SLC35F4: variants seen among roughly 807,000 people sequenced by gnomAD.
SLC35F4 encodes chromosome 14 open reading frame 36.
In SLC35F4, 24 loss-of-function variants were observed where a neutral mutation model predicts 44.2. The ratio of observed to expected loss-of-function variants is 0.54; its 90% CI spans 0.39 to 0.76. The LOEUF (loss-of-function observed/expected upper bound fraction) is 0.76. SLC35F4 is among the 30% of genes least tolerant of loss of function. The pLI, the probability that SLC35F4 is intolerant of heterozygous loss-of-function variation, is 0.00. For missense variants in SLC35F4, 562 were observed against 586.1 expected, an observed-to-expected ratio of 0.96 and a Z score of 0.42; for synonymous variants, 238 against 223.6, an observed-to-expected ratio of 1.06 and a Z score of -0.57.
At position 57,951,995 on chromosome 14, in the gene SLC35F4, C is replaced by T. The variant is rs892264319; in HGVS notation, n.282+29918G>A. ...ATCCTCGTGCCTCCTGATTGGGAAA[C>T]ACCTCCCAGCAGGGGTCGACAGATA... is the stretch of plus-strand genomic sequence containing the variant. On this transcript the variant is annotated intron_variant and non_coding_transcript_variant, in intron 1 of 1. Coordinates refer to the SLC35F4 transcript ENST00000556568. 4.6e-5 allele frequency among the ~76,000 whole-genome samples: 7 copies of T among 152,228 alleles called. No individual in the cohort carries two copies. The East Asian group carries it at 9.6e-4, about 21-fold the overall frequency.
chr14:57,898,345 A>C (rs1259819011), intron 1 of SLC35F4, among the ~76,000 whole-genome samples: 3 of 152,260 alleles, frequency 2.0e-5, no homozygotes, highest in African/African-American at 7.2e-5. Flanking sequence ...AAACACATGC[A>C]TTCATGGCAT....
At chr14:57,944,553 T>C (rs1251858415) in intron 1 of SLC35F4, among the ~76,000 whole-genome samples, 1 of 151,866 alleles carries the variant, frequency 6.6e-6, no homozygotes, top group Non-Finnish European at 1.5e-5. Context: ...AAATTGTGCT[T>C]TGTGAGACCT....
At chr14:57,711,140 C>A (rs1253386604) in intron 1 of SLC35F4, among the ~76,000 whole-genome samples, 1 of 152,040 alleles carries the variant, frequency 6.6e-6, no homozygotes, top group Admixed American at 6.6e-5. Context: ...GGGGTGGTTT[C>A]CCCTGCTGTT....
chr14:57,564,032 T>C lies in SLC35F4; in HGVS notation c.*103A>G, dbSNP rs2068083054. On this transcript the variant is annotated 3_prime_UTR_variant, in exon 8 of 8. Transcript: ENST00000556826. ...TTGGCATTATTTCACATATGATTTATCCAAATTCAGAGTTAATACTGTCGT... is the reference window on the plus strand; with the variant it reads ...TTGGCATTATTTCACATATGATTTACCCAAATTCAGAGTTAATACTGTCGT... 2 of 1,292,326 alleles carry C rather than the reference T, an allele frequency of 1.5e-6. No individual in the cohort carries two copies. Among genetic ancestry groups the C allele is most frequent in the Non-Finnish European group, 2.1e-6 (2 of 944,382 alleles). 80.1% of individuals were successfully genotyped at this position (1,292,326 alleles called of 1,614,324 possible). A position where few individuals can be genotyped will look rare whatever the true frequency, so the allele number is the denominator to read the frequency against.
intron 1 of SLC35F4, among the ~76,000 whole-genome samples, chr14:57,641,360 A>T (rs747132577): frequency 1.3e-5 from 2 of 148,368 alleles, no homozygotes; most frequent in Non-Finnish European, 3.0e-5. Context: ...TAAGATTGCC[A>T]GGTGAACCTA....
At chr14:57,869,470 C>T (rs1888250890), upstream of SLC35F4, among the ~76,000 whole-genome samples, 1 of 152,068 alleles carries the variant, frequency 6.6e-6, no homozygotes, top group South Asian at 2.1e-4. Context: ...GGGCTTTAGT[C>T]GTCTTTTTAT....
chr14:57,594,108 T>C lies in SLC35F4; in HGVS notation c.120A>G (p.Ser40=). The change falls in exon 2 of 8, where the codon TCA becomes TCG. Residue 40 remains serine (S), a synonymous_variant. Coordinates refer to ENST00000556826, the MANE Select transcript of SLC35F4 (RefSeq NM_001306087.2). The part of the protein sequence containing the change: ...YSSQKSTSRS[S]VTRCKPGANC... ...TGGCTCCTGGTTTACATCTAGTGAC[T>C]GATGATCTGGAGGTACCTGGAAAGA... 1 of 1,613,818 alleles carries C rather than the reference T, an allele frequency of 6.2e-7. No individual in the cohort carries two copies. Among genetic ancestry groups the C allele is most frequent in the Admixed American group, 1.7e-5 (1 of 59,968 alleles).
chr14:57,824,404 A>G (rs928095565), intron 1 of SLC35F4, among the ~76,000 whole-genome samples: 16 of 152,172 alleles, frequency 1.1e-4, no homozygotes, highest in Non-Finnish European at 4.4e-5. Context: ...GTAGGTAGGT[A>G]GAAGATAGAT....
At chr14:57,952,425 A>G (rs1276061603) in intron 1 of SLC35F4, among the ~76,000 whole-genome samples, 1 of 152,128 alleles carries the variant, frequency 6.6e-6, no homozygotes, top group Non-Finnish European at 1.5e-5. Context: ...ACAAAACTGG[A>G]TGGAGAATGA....
intron 1 of SLC35F4, among the ~76,000 whole-genome samples, chr14:57,743,742 T>C (rs2076682985): frequency 6.6e-6 from 1 of 152,186 alleles, no homozygotes; most frequent in Non-Finnish European, 1.5e-5. Context: ...AGCATCATCC[T>C]GAAACCAAAG....
chr14:57,915,529 A>G (rs1343628523), intron 1 of SLC35F4, among the ~76,000 whole-genome samples: 1 of 152,342 alleles, frequency 6.6e-6, no homozygotes, highest in East Asian at 1.9e-4. Flanking sequence ...TATGTGGTTA[A>G]AAGTAGCCAT....
At chr14:57,818,496 G>A (rs1882842380) in intron 1 of SLC35F4, among the ~76,000 whole-genome samples, 1 of 152,166 alleles carries the variant, frequency 6.6e-6, no homozygotes, top group African/African-American at 2.4e-5. Context: ...CCTTGTTGCT[G>A]TCAAGATCTA....
intron 1 of SLC35F4, among the ~76,000 whole-genome samples, chr14:57,863,278 A>G (rs763447357): frequency 5.9e-5 from 9 of 152,232 alleles, no homozygotes; most frequent in African/African-American, 1.2e-4. Flanking sequence ...ACCTTCATTT[A>G]TCTGAATTCT....
chr14:57,647,327 T>C (rs2073575402), intron 1 of SLC35F4, among the ~76,000 whole-genome samples: 1 of 152,180 alleles, frequency 6.6e-6, no homozygotes, highest in Non-Finnish European at 1.5e-5. Context: ...TGCATATACA[T>C]TTAGGATAGT....
chr14:57,736,726 CA>C (rs2076474367), intron 1 of SLC35F4, among the ~76,000 whole-genome samples: 1 of 152,182 alleles, frequency 6.6e-6, no homozygotes, highest in South Asian at 2.1e-4. Flanking sequence ...GGCAATATTG[CA>C]ATTGCTCACA....
At chr14:57,814,821 A>T (rs1882379240) in intron 1 of SLC35F4, among the ~76,000 whole-genome samples, 1 of 152,162 alleles carries the variant, frequency 6.6e-6, no homozygotes. Flanking sequence ...ATTAAATGAG[A>T]CTGCATTTTC....
chr14:57,824,377 G>A (rs868062280), intron 1 of SLC35F4, among the ~76,000 whole-genome samples: 2 of 152,216 alleles, frequency 1.3e-5, no homozygotes, highest in Non-Finnish European at 2.9e-5. Flanking sequence ...TGGAGGACAA[G>A]AGATAGAGAG....
intron 1 of SLC35F4, among the ~76,000 whole-genome samples, chr14:57,737,234 G>T (rs1319839264): frequency 6.6e-6 from 1 of 151,918 alleles, no homozygotes; most frequent in Non-Finnish European, 1.5e-5. Flanking sequence ...GTGCTACTAT[G>T]GATTAGTTGT....
intron 1 of SLC35F4, among the ~76,000 whole-genome samples, chr14:57,745,765 CTATAAAG>C (rs2076737184): frequency 6.6e-6 from 1 of 152,284 alleles, no homozygotes; most frequent in East Asian, 1.9e-4. Context: ...AATCATGCTA[CTATAAAG>C]ACACACGCAC....
Sources: allele counts gnomAD v4.1 joint callset (sites outside exome capture counted in the v4.1 genomes callset), GRCh38; gene constraint gnomAD v4.1.1; transcripts MANE v1.5; gene names NCBI Gene and HGNC (gene_info 2026-07-23, HGNC 2026-07-21).